Variants in CEMIP observed in about 807,000 individuals in gnomAD.
CEMIP encodes the protein cell migration-inducing and hyaluronan-binding protein.
Under a neutral mutation model 156.9 loss-of-function variants are expected in CEMIP, and 105 were observed. The observed-to-expected ratio is 0.67, with a 90% CI of 0.57 to 0.79. CEMIP has a LOEUF of 0.79. Ranked by LOEUF, CEMIP falls within the 30% of genes least tolerant of loss-of-function variation. CEMIP has a pLI of 0.00. For synonymous variants in CEMIP, 676 were observed against 668.4 expected (o/e 1.01, Z -0.17); for missense variants, 1,457 against 1,769.4 (o/e 0.82, Z 3.17).
At chr15:80,822,274 G>T (rs1402438292) in intron 1 of CEMIP, among the ~76,000 whole-genome samples, 1 of 152,206 alleles carries the variant, frequency 6.6e-6, no homozygotes, top group African/African-American at 2.4e-5. Flanking sequence ...TTGACTGAAT[G>T]CATGAGCCTC....
intron 1 of CEMIP, among the ~76,000 whole-genome samples, chr15:80,872,873 C>A (rs1898343542): frequency 6.6e-6 from 1 of 151,980 alleles, no homozygotes; most frequent in Non-Finnish European, 1.5e-5. Context: ...TAAAATGAGT[C>A]CATCATCTAG....
intron 1 of CEMIP, among the ~76,000 whole-genome samples, chr15:80,794,892 G>C (rs1296637902): frequency 1.3e-5 from 2 of 152,214 alleles, no homozygotes; most frequent in Non-Finnish European, 2.9e-5. Context: ...GCTACAAGTG[G>C]CTGGTGGAAG....
intron 1 of CEMIP, among the ~76,000 whole-genome samples, chr15:80,863,273 T>C (rs541588502): frequency 6.6e-6 from 1 of 152,326 alleles, no homozygotes; most frequent in Non-Finnish European, 1.5e-5. Flanking sequence ...CCACCTGTTT[T>C]GATAGAGGGT....
rs1335943383 is a variant in CEMIP, at chr15:80,877,378, T to G, written c.95-1343T>G. ...GCTTGCTTCCATTCCTTCCAGTACC[T>G]GCCCCAGAGTTTCTCATCTGAAACC... On this transcript the variant is annotated intron_variant, in intron 3 of 29. Coordinates refer to ENST00000394685, the MANE Select transcript of CEMIP (RefSeq NM_001293298.2). Among the ~76,000 whole-genome samples the G allele has an allele frequency of 1.3e-5, 2 of 152,174 alleles. 1 individual carries two copies. The highest frequency in any genetic ancestry group is 4.8e-5 in the African/African-American group (2 of 41,446).
intron 14 of CEMIP, among the ~76,000 whole-genome samples, chr15:80,912,479 G>A (rs1900108135): frequency 6.6e-6 from 1 of 152,236 alleles, no homozygotes; most frequent in African/African-American, 2.4e-5. Flanking sequence ...TAGAGGTCCA[G>A]CCTCACTCAG....
At chr15:80,924,790 C>A in intron 18 of CEMIP, 84 bp downstream of exon 18, 1 of 1,169,154 alleles carries the variant, frequency 8.6e-7, no homozygotes, top group Non-Finnish European at 1.3e-6. Flanking sequence ...CTCATTCATT[C>A]CCTGAGCATC....
intron 1 of CEMIP, among the ~76,000 whole-genome samples, chr15:80,833,584 G>C (rs1416271193): frequency 6.6e-6 from 1 of 151,996 alleles, no homozygotes; most frequent in East Asian, 1.9e-4. Context: ...AGGGCTGTGT[G>C]GGGGGCATGG....
chr15:80,846,822 T>C (rs959738272), intron 1 of CEMIP, among the ~76,000 whole-genome samples: 5 of 152,230 alleles, frequency 3.3e-5, no homozygotes, highest in Admixed American at 2.0e-4. Flanking sequence ...CAGCTGTTGA[T>C]ACTAGAGCCT....
At chr15:80,872,521 G>A (rs1393955601) in intron 1 of CEMIP, among the ~76,000 whole-genome samples, 4 of 151,684 alleles carry the variant, frequency 2.6e-5, no homozygotes, top group Non-Finnish European at 4.4e-5. Context: ...AAATAAAATC[G>A]AAGTTTAATA....
intron 26 of CEMIP, 46 bp downstream of exon 26, chr15:80,942,099 G>C: frequency 6.3e-7 from 1 of 1,584,574 alleles, no homozygotes; most frequent in African/African-American, 1.3e-5. Context: ...CGTCCAGTCG[G>C]GCCTAGAGCC....
chr15:80,944,078 C>T (rs1479053664), intron 28 of CEMIP, among the ~76,000 whole-genome samples: 3 of 152,076 alleles, frequency 2.0e-5, no homozygotes, highest in Non-Finnish European at 4.4e-5. Context: ...AGGAGTTTGA[C>T]ATCAGCCTGG....
intron 12 of CEMIP, among the ~76,000 whole-genome samples, chr15:80,899,872 T>C (rs1899397944): frequency 1.3e-5 from 2 of 152,246 alleles, no homozygotes; most frequent in African/African-American, 4.8e-5. Context: ...AAGAAGCCTC[T>C]GGGAGGTCAG....
intron 1 of CEMIP, among the ~76,000 whole-genome samples, chr15:80,804,773 T>C (rs898268114): frequency 1.2e-4 from 19 of 152,318 alleles, no homozygotes; most frequent in Non-Finnish European, 5.9e-5. Context: ...AACCGAGGTC[T>C]TTCCTCTGGT....
chr15:80,877,553 C>T (rs535054827), intron 3 of CEMIP, among the ~76,000 whole-genome samples: 15 of 152,356 alleles, frequency 9.8e-5, no homozygotes, highest in African/African-American at 3.6e-4. Flanking sequence ...CCAGTTCATT[C>T]TCATCTTGTT....
At chr15:80,907,020 C>T (rs538165088) in intron 13 of CEMIP, among the ~76,000 whole-genome samples, 182 bp downstream of exon 13, 1 of 147,916 alleles carries the variant, frequency 6.8e-6, no homozygotes, top group Admixed American at 6.8e-5. Context: ...GCTCCCCCCC[C>T]ACCAATATTT....
At chr15:80,813,801 G>T (rs924781530) in intron 1 of CEMIP, among the ~76,000 whole-genome samples, 1 of 152,148 alleles carries the variant, frequency 6.6e-6, no homozygotes, top group Non-Finnish European at 1.5e-5. Context: ...AAATGATTTT[G>T]ATGTTGTACA....
intron 10 of CEMIP, among the ~76,000 whole-genome samples, chr15:80,892,692 TCTGCACTTG>T (rs1203187129): frequency 3.9e-5 from 6 of 152,216 alleles, no homozygotes; most frequent in Non-Finnish European, 7.3e-5. Context: ...CAGCGCCAAC[TCTGCACTTG>T]CATGACCCTA....
chr15:80,862,184 G>A (rs773380277), intron 1 of CEMIP, among the ~76,000 whole-genome samples: 9 of 152,190 alleles, frequency 5.9e-5, no homozygotes, highest in Non-Finnish European at 1.3e-4. Context: ...CTCCTCTCCT[G>A]AAATACTTAC....
chr15:80,872,194 C>T (rs1156454364), intron 1 of CEMIP, among the ~76,000 whole-genome samples: 1 of 152,172 alleles, frequency 6.6e-6, no homozygotes, highest in Middle Eastern at 3.2e-3. Context: ...GGAGCCTGGG[C>T]CGGGTGAGAT....
Sources: gnomAD v4.1 joint callset for allele counts (sites outside exome capture counted in the v4.1 genomes callset) on GRCh38, gnomAD v4.1.1 for gene constraint, MANE v1.5 for transcripts, NCBI Gene and HGNC (gene_info 2026-07-23, HGNC 2026-07-21) for gene names.